The following IGSF3 variants were observed in gnomAD, a reference collection of about 807,000 sequenced individuals.
The protein encoded by IGSF3 is glu-Trp-Ile EWI motif-containing protein 3.
In IGSF3, 23 loss-of-function variants were observed where a neutral mutation model predicts 114.4. The observed-to-expected ratio is 0.20, with a 90% CI of 0.14 to 0.28. The LOEUF is 0.28. IGSF3 is among the 10% of genes least tolerant of loss of function. The probability of loss-of-function intolerance (pLI) is 1.00; values close to 1 mark genes in which losing one functional copy is unlikely to be tolerated. For synonymous variants in IGSF3, 571 were observed against 645.2 expected, an observed-to-expected ratio of 0.88 and a Z score of 1.74; for missense variants, 1,172 against 1,591.5, an observed-to-expected ratio of 0.74 and a Z score of 4.48.
rs1647700212 is a variant in IGSF3, at chr1:116,633,747, G to C, written c.44-17290C>G. On this transcript the variant is annotated intron_variant, in intron 2 of 10. Transcript: ENST00000369486. The surrounding 1 kb of genome is among the most constrained non-coding windows in gnomAD (Gnocchi z 4.3). ...ATAAAAATTCAAAATCATGATCTTA[G>C]GGGTGAAAGAACACTGAGAAACCAT... Among the ~76,000 whole-genome samples, 3 of 152,178 alleles carry C rather than the reference G, an allele frequency of 2.0e-5. No individual in the cohort carries two copies. The highest frequency in any genetic ancestry group is 4.4e-5 in the Non-Finnish European group (3 of 68,042).
In IGSF3 at chr1:116,650,827, GA is replaced by G; in HGVS notation, c.43+15456del. Among the ~76,000 whole-genome samples, 3 of 152,296 alleles carry G rather than the reference GA, an allele frequency of 2.0e-5. 1 individual carries two copies. Among genetic ancestry groups the G allele is most frequent in the Middle Eastern group, 6.8e-3 (2 of 294 alleles). ...ATTGGACATGTGTGCACAGAAAATGGAAAAAGAGCCATGAAATCCAAACAGA... is the reference window on the plus strand; with the variant it reads ...ATTGGACATGTGTGCACAGAAAATGGAAAAGAGCCATGAAATCCAAACAGA... On this transcript the variant is annotated intron_variant, in intron 2 of 10. Coordinates refer to ENST00000369486, the MANE Select transcript of IGSF3 (RefSeq NM_001007237.3). The surrounding 1 kb of genome is among the most constrained non-coding windows in gnomAD (Gnocchi z 5.0).
rs1348651430 is a variant in IGSF3, at chr1:116,665,357, G to A, written c.43+927C>T. On this transcript the variant is annotated intron_variant, in intron 2 of 10. Transcript: ENST00000369486. This position sits in a 1 kb window ranked among gnomAD's most constrained non-coding sequence, Gnocchi z 4.0. ...ATCCCTTCTGAATGCAGAGGACCGA[G>A]CCTTACAGAGAGGGCAGGGGGTGTG... Among the ~76,000 whole-genome samples, 1 of 152,208 alleles carries A rather than the reference G, an allele frequency of 6.6e-6. No individual in the cohort carries two copies. The highest frequency in any genetic ancestry group is 1.5e-5 in the Non-Finnish European group (1 of 68,040).
At chr1:116,617,226 G>A (rs1329179150) in intron 2 of IGSF3, 1 of 921,720 alleles carries the variant, frequency 1.1e-6, no homozygotes, top group Non-Finnish European at 1.3e-6. Context: ...CTCCCCCGCT[G>A]ACCTCCTGCC....
At chr1:116,645,337 G>T (rs1490230134) in intron 2 of IGSF3, among the ~76,000 whole-genome samples, 3 of 152,246 alleles carry the variant, frequency 2.0e-5, no homozygotes, top group Non-Finnish European at 4.4e-5. Flanking sequence ...GTCCCCTGAG[G>T]CTGGGGTCCT....
chr1:116,660,682 T>A (rs1649076030), intron 2 of IGSF3, among the ~76,000 whole-genome samples: 1 of 151,936 alleles, frequency 6.6e-6, no homozygotes, highest in Non-Finnish European at 1.5e-5. Context: ...CCTCAGGTGA[T>A]CCACCCACCT....
rs1649163903 is a variant in IGSF3 at position 116,662,638 on chromosome 1, T to C, written c.43+3646A>G. Among the ~76,000 whole-genome samples the C allele has an allele frequency of 6.6e-6, 1 of 152,174 alleles. No homozygotes were observed. The highest frequency in any genetic ancestry group is 2.4e-5 in the African/African-American group (1 of 41,444). On this transcript the variant is annotated intron_variant, in intron 2 of 10. Transcript: ENST00000369486. This position sits in a 1 kb window ranked among gnomAD's most constrained non-coding sequence, Gnocchi z 4.3. Reference sequence around the variant, plus strand: ...TGATTCTCACAGCTGAAAGGCATCCTAGTAGGCCAAGTCCTCCTGACAAGA... The same window carrying C: ...TGATTCTCACAGCTGAAAGGCATCCCAGTAGGCCAAGTCCTCCTGACAAGA...
At position 116,664,773 on chromosome 1, in the gene IGSF3, A is replaced by T. The variant is rs1043008718; in HGVS notation, c.43+1511T>A. Among the ~76,000 whole-genome samples, 7 of 152,174 alleles carry T rather than the reference A, an allele frequency of 4.6e-5. No individual in the cohort carries two copies. The highest frequency in any genetic ancestry group is 1.7e-4 in the African/African-American group (7 of 41,426). On this transcript the variant is annotated intron_variant, in intron 2 of 10. Coordinates refer to ENST00000369486, the MANE Select transcript of IGSF3 (RefSeq NM_001007237.3). This position sits in a 1 kb window ranked among gnomAD's most constrained non-coding sequence, Gnocchi z 4.6. ...CCACAGCTGAACAGAAGACTAACTA[A>T]ACTACCAGCAGGGTGTCTGCATGCG...
In IGSF3 at chr1:116,584,337, T is replaced by C. The variant is rs1659722545; in HGVS notation, c.2848+308A>G. ...CAACAACATGGTTATTGTTTCAAGA[T>C]TTTTGTCATATCTGCCCTTTGTTCC... On this transcript the variant is annotated intron_variant, in intron 9 of 10. Transcript: ENST00000369486. This position sits in a 1 kb window ranked among gnomAD's most constrained non-coding sequence, Gnocchi z 5.8. 6.6e-6 allele frequency among the ~76,000 whole-genome samples: 1 copy of C among 152,182 alleles called. No homozygotes were observed. The highest frequency in any genetic ancestry group is 2.4e-5 in the African/African-American group (1 of 41,434).
chr1:116,577,180 G>T lies in IGSF3; in HGVS notation c.*132C>A. On this transcript the variant is annotated 3_prime_UTR_variant, in exon 11 of 11. Transcript: ENST00000369486. The surrounding 1 kb of genome is among the most constrained non-coding windows in gnomAD (Gnocchi z 5.7). ...TGTCTCTGTGACTGACTGGGAACTT[G>T]GAACACTTTTCAAGTCTGACAACTT... 2 of 1,009,952 alleles carry T rather than the reference G, an allele frequency of 2.0e-6. No homozygotes were observed. Among genetic ancestry groups the T allele is most frequent in the Non-Finnish European group, 1.4e-6 (1 of 701,096 alleles). The allele number at this position is 1,009,952 out of a possible 1,614,324, so 62.6% of individuals were successfully genotyped here.
chr1:116,650,106 G>A lies in IGSF3; in HGVS notation c.43+16178C>T, dbSNP rs1648567200. ...GTCTCTGAATAATGTGCTTTTTGAT[G>A]ATAATCTGAATGGTACAAGAAGAAA... On this transcript the variant is annotated intron_variant, in intron 2 of 10. Transcript: ENST00000369486. The surrounding 1 kb of genome is among the most constrained non-coding windows in gnomAD (Gnocchi z 5.0). Among the ~76,000 whole-genome samples, 1 of 152,204 alleles carries A rather than the reference G, an allele frequency of 6.6e-6. No homozygotes were observed. Among genetic ancestry groups the A allele is most frequent in the Non-Finnish European group, 1.5e-5 (1 of 68,044 alleles).
chr1:116,609,883 G>A (rs79335080), intron 4 of IGSF3, among the ~76,000 whole-genome samples: 10 of 151,818 alleles, frequency 6.6e-5, no homozygotes, highest in South Asian at 2.1e-4. Context: ...TACCCCTCCC[G>A]CTCCTCAGGC....
rs1170386284 is a variant in IGSF3, at chr1:116,649,401, A to G, written c.43+16883T>C. Among the ~76,000 whole-genome samples, 1 of 152,194 alleles carries G rather than the reference A, an allele frequency of 6.6e-6. No individual in the cohort carries two copies. The highest frequency in any genetic ancestry group is 1.5e-5 in the Non-Finnish European group (1 of 68,024). Reference sequence around the variant, plus strand: ...TCTTAACCCTTGGCCTCTCATTCCCAAAGTCTAGCCCTATTTTCAAATGAA... The same window carrying G: ...TCTTAACCCTTGGCCTCTCATTCCCGAAGTCTAGCCCTATTTTCAAATGAA... On this transcript the variant is annotated intron_variant, in intron 2 of 10. Transcript: ENST00000369486. The surrounding 1 kb of genome is among the most constrained non-coding windows in gnomAD (Gnocchi z 4.5).
chr1:116,580,175 T>A (rs925743885), intron 9 of IGSF3, among the ~76,000 whole-genome samples: 1 of 152,238 alleles, frequency 6.6e-6, no homozygotes, highest in African/African-American at 2.4e-5. Flanking sequence ...AAGCTGGTAG[T>A]GTGGTTCCTT....
Position 116,600,022 on chromosome 1 carries a change from A to C in IGSF3, c.1948T>G (p.Trp650Gly). Residue 650 changes from tryptophan (W) to glycine (G), a missense_variant, in exon 7 of 11, where the codon TGG (tryptophan) becomes GGG (glycine). Physicochemically the swap from Trp to Gly is radical, Grantham distance 184 (BLOSUM62 -2). This residue lies in a region of IGSF3 where 736 missense variants were observed against 1,042.0 expected (regional missense o/e 0.71). Coordinates refer to ENST00000369486, the MANE Select transcript of IGSF3 (RefSeq NM_001007237.3). The surrounding 1 kb of genome is among the most constrained non-coding windows in gnomAD (Gnocchi z 5.5). Reference sequence around the variant, plus strand: ...CAGGTGTTGTTGTAGTTCTTCCGCCACAGCTCTGCCACACACTGGTACTTG... The same window carrying C: ...CAGGTGTTGTTGTAGTTCTTCCGCCCCAGCTCTGCCACACACTGGTACTTG... ...AGKYQCVAEL[W>G]RKNYNNTWTR... 6.2e-7 allele frequency: 1 copy of C among 1,614,188 alleles called. No individual in the cohort carries two copies. Among genetic ancestry groups the C allele is most frequent in the Middle Eastern group, 1.7e-4 (1 of 6,058 alleles).
rs751023172 is a variant in IGSF3, at chr1:116,579,903, G to A, written c.2849-26C>T. On this transcript the variant is annotated intron_variant, in intron 9 of 10. Coordinates refer to ENST00000369486, the MANE Select transcript of IGSF3 (RefSeq NM_001007237.3). The surrounding 1 kb of genome is among the most constrained non-coding windows in gnomAD (Gnocchi z 6.4). ...CTGGGGAATGACAAGGGACAAACAG[G>A]GAAGGGGTTGTTTAAATTTATTTGC... The A allele has an allele frequency of 1.3e-6, 2 of 1,556,076 alleles. No homozygotes were observed. Among genetic ancestry groups the A allele is most frequent in the Non-Finnish European group, 1.7e-6 (2 of 1,156,806 alleles).
Position 116,666,387 on chromosome 1 carries a change from T to G in IGSF3, c.-61A>C. ...TCCTCTTCTCCCAGCTCCTAATCTC[T>G]CATTTCTGGCAATCCACTTATAGCT... On this transcript the variant is annotated 5_prime_UTR_variant, in exon 2 of 11. Transcript: ENST00000369486. The G allele has an allele frequency of 1.3e-6, 2 of 1,499,532 alleles. No homozygotes were observed. The highest frequency in any genetic ancestry group is 1.9e-6 in the Non-Finnish European group (2 of 1,075,624). The allele number at this position is 1,499,532 out of a possible 1,614,324, so 92.9% of individuals were successfully genotyped here. A position where few individuals can be genotyped will look rare whatever the true frequency, so the allele number is the denominator to read the frequency against.
In IGSF3 at chr1:116,577,345, A is replaced by G; in HGVS notation, c.3552T>C (p.Pro1184=). The G allele has an allele frequency of 4.3e-6, 7 of 1,614,130 alleles. No individual in the cohort carries two copies. The highest frequency in any genetic ancestry group is 5.9e-6 in the Non-Finnish European group (7 of 1,180,026). ...TGGCCCCTGGATGGATACTGAGAAC[A>G]GGGGGCTCCAGGCAAGTAGGGGAGT... ...LNYSPTCLEP[P]VLSIHPGAID is the part of the protein sequence containing the mutation. The change falls in exon 11 of 11, where the codon CCT becomes CCC. Residue 1184 remains proline (P), a synonymous_variant. Coordinates refer to ENST00000369486, the MANE Select transcript of IGSF3 (RefSeq NM_001007237.3). The surrounding 1 kb of genome is among the most constrained non-coding windows in gnomAD (Gnocchi z 5.7).
chr1:116,600,203 C>T lies in IGSF3; in HGVS notation c.1767G>A (p.Thr589=), dbSNP rs139701100. Residue 589 remains threonine (T), a synonymous_variant, in exon 7 of 11, where the codon ACG becomes ACA. Coordinates refer to ENST00000369486, the MANE Select transcript of IGSF3 (RefSeq NM_001007237.3). The surrounding 1 kb of genome is among the most constrained non-coding windows in gnomAD (Gnocchi z 5.5). ...AGGTCACCAAGTCATGGAACTCCAC[C>T]GTGCCCACCGGCTGGAACCGCCATG... is the stretch of plus-strand genomic sequence containing the variant. ...SVTWRFQPVG[T]VEFHDLVTFT... The T allele has an allele frequency of 1.8e-4, 291 of 1,614,096 alleles. No individual in the cohort carries two copies. The highest frequency in any genetic ancestry group is 4.3e-4 in the Admixed American group (26 of 60,026).
At position 116,612,529 on chromosome 1, in the gene IGSF3, T is replaced by C. The variant is rs1571156134; in HGVS notation, c.832+1236A>G. On this transcript the variant is annotated intron_variant, in intron 4 of 10. Transcript: ENST00000369486. The surrounding 1 kb of genome is among the most constrained non-coding windows in gnomAD (Gnocchi z 4.1). The stretch of plus-strand genomic sequence containing the variant: ...TGGGACGAAGCCCCAAAATGTATAC[T>C]GTTAGCTGAGTCTGAAGCATTACTC... 6.6e-6 allele frequency among the ~76,000 whole-genome samples: 1 copy of C among 152,208 alleles called. No homozygotes were observed. The highest frequency in any genetic ancestry group is 2.4e-5 in the African/African-American group (1 of 41,458).
Sources: allele counts gnomAD v4.1 joint callset (sites outside exome capture counted in the v4.1 genomes callset), GRCh38; gene constraint gnomAD v4.1.1; regional missense constraint gnomAD v4.1.1; non-coding constraint Gnocchi (gnomAD v3.1); transcripts MANE v1.5; gene names NCBI Gene and HGNC (gene_info 2026-07-23, HGNC 2026-07-21).